RPA3: variants seen among roughly 807,000 people sequenced by gnomAD.
The protein encoded by RPA3 is replication protein A3.
Under a neutral mutation model 13.7 loss-of-function variants are expected in RPA3, and 24 were observed. The observed-to-expected ratio is 1.75, with a 90% CI of 1.27 to 2.46. The LOEUF (loss-of-function observed/expected upper bound fraction) is 2.46. RPA3 is among the 30% of genes most tolerant of loss of function. The probability of loss-of-function intolerance (pLI) is 0.00; values close to 1 mark genes in which losing one functional copy is unlikely to be tolerated. For synonymous variants in RPA3, 59 were observed against 51.2 expected, an observed-to-expected ratio of 1.15 and a Z score of -0.65; for missense variants, 183 against 151.0, an observed-to-expected ratio of 1.21 and a Z score of -1.11.
intron 4 of RPA3, among the ~76,000 whole-genome samples, chr7:7,660,068 C>G (rs1357064496): frequency 2.0e-5 from 3 of 152,116 alleles, no homozygotes; most frequent in Non-Finnish European, 4.4e-5. Context: ...CTCTTTTTGT[C>G]TCTTTTGATC....
chr7:7,710,295 A>G (rs1563143690), intron 2 of RPA3, among the ~76,000 whole-genome samples: 1 of 152,326 alleles, frequency 6.6e-6, no homozygotes, highest in African/African-American at 2.4e-5. Context: ...CTCACACTTT[A>G]TGCAAAAATT....
chr7:7,687,699 C>T (rs770973794), intron 2 of RPA3, among the ~76,000 whole-genome samples: 8 of 152,132 alleles, frequency 5.3e-5, no homozygotes, highest in South Asian at 2.1e-4. Flanking sequence ...TTCCTACAAC[C>T]GGTATTTCCA....
At chr7:7,646,872 G>T (rs995180278) in intron 4 of RPA3, among the ~76,000 whole-genome samples, 2 of 152,090 alleles carry the variant, frequency 1.3e-5, no homozygotes, top group Admixed American at 6.5e-5. Context: ...GTTTATATGG[G>T]CACAGAATAG....
chr7:7,713,242 G>T (rs1169459521), intron 2 of RPA3, among the ~76,000 whole-genome samples: 1 of 152,114 alleles, frequency 6.6e-6, no homozygotes, highest in African/African-American at 2.4e-5. Context: ...TACTCAGGAG[G>T]CTGAGGCAGG....
At chr7:7,665,641 TC>T (rs1279159671) in intron 4 of RPA3, among the ~76,000 whole-genome samples, 1 of 152,178 alleles carries the variant, frequency 6.6e-6, no homozygotes, top group Non-Finnish European at 1.5e-5. Flanking sequence ...ACCCATCACT[TC>T]CAAGAGTTTC....
chr7:7,716,281 G>A (rs1780900789), intron 1 of RPA3, among the ~76,000 whole-genome samples: 1 of 152,178 alleles, frequency 6.6e-6, no homozygotes, highest in African/African-American at 2.4e-5. Flanking sequence ...AAGGAACAAT[G>A]CCAAGAAAAA....
chr7:7,699,200 A>C (rs1780396020), intron 2 of RPA3, among the ~76,000 whole-genome samples: 1 of 152,134 alleles, frequency 6.6e-6, no homozygotes, highest in Admixed American at 6.6e-5. Flanking sequence ...GATTATGGGA[A>C]TGCCAGAACA....
At chr7:7,676,369 G>C (rs1779739348) in intron 4 of RPA3, among the ~76,000 whole-genome samples, 1 of 152,168 alleles carries the variant, frequency 6.6e-6, no homozygotes, top group Non-Finnish European at 1.5e-5. Context: ...CCATACACAG[G>C]CTAGGATTTA....
chr7:7,713,226 C>T (rs1780811259), intron 2 of RPA3, among the ~76,000 whole-genome samples: 1 of 151,872 alleles, frequency 6.6e-6, no homozygotes, highest in African/African-American at 2.4e-5. Flanking sequence ...CACCTGTAGT[C>T]CCAGCTACTC....
chr7:7,652,549 G>C (rs750792309), intron 4 of RPA3, among the ~76,000 whole-genome samples: 1 of 152,228 alleles, frequency 6.6e-6, no homozygotes, highest in Non-Finnish European at 1.5e-5. Context: ...TTTTATACAG[G>C]ACTTAGCACC....
intron 2 of RPA3, among the ~76,000 whole-genome samples, chr7:7,700,577 A>G (rs1421127744): frequency 3.3e-5 from 5 of 150,836 alleles, no homozygotes; most frequent in Non-Finnish European, 5.9e-5. Flanking sequence ...TAAAAACAAC[A>G]AACAAACAAA....
In RPA3 at chr7:7,685,953, T is replaced by C. The variant is rs1302014579; in HGVS notation, c.-881A>G. 1 of 152,216 alleles carries C rather than the reference T, an allele frequency of 6.6e-6. No individual in the cohort carries two copies. Among genetic ancestry groups the C allele is most frequent in the Non-Finnish European group, 1.5e-5 (1 of 68,030 alleles). The allele number at this position is 152,216 out of a possible 1,614,324, so 9.4% of individuals were successfully genotyped here. On this transcript the variant is annotated 5_prime_UTR_variant, in exon 4 of 8. Coordinates refer to ENST00000223129, the MANE Select transcript of RPA3 (RefSeq NM_002947.5). ...AGCACTTTCTCTATCCCAGGTGCTC[T>C]CCTGCTTGGTTAGGGATGCTCCAGA...
rs1372683345 is a variant in RPA3, at chr7:7,677,702, C to T, written c.-758+8128G>A. 5.6e-5 allele frequency among the ~76,000 whole-genome samples: 7 copies of T among 125,282 alleles called. 1 individual carries two copies. The highest frequency in any genetic ancestry group is 2.2e-4 in the African/African-American group (7 of 31,342). 82.2% of individuals were successfully genotyped at this position (125,282 alleles called of 152,430 possible). A position where few individuals can be genotyped will look rare whatever the true frequency, so the allele number is the denominator to read the frequency against. On this transcript the variant is annotated intron_variant, in intron 4 of 7. Transcript: ENST00000223129. ...TTTTTTTTTTTTTTTGAGACGGAGTCTCGCTCTGTCGCCCAGGCTGGAGTG... is the reference window on the plus strand; with the variant it reads ...TTTTTTTTTTTTTTTGAGACGGAGTTTCGCTCTGTCGCCCAGGCTGGAGTG...
intron 4 of RPA3, among the ~76,000 whole-genome samples, chr7:7,685,314 CT>C (rs34968724): frequency 4.9e-4 from 70 of 143,702 alleles, no homozygotes; most frequent in Admixed American, 4.9e-4. Flanking sequence ...ACACATTGAT[CT>C]TTTTTTTTTT....
chr7:7,680,607 T>G (rs1471920388), intron 4 of RPA3, among the ~76,000 whole-genome samples: 1 of 152,158 alleles, frequency 6.6e-6, no homozygotes, highest in Non-Finnish European at 1.5e-5. Flanking sequence ...GTGATTGCAT[T>G]GAATCTGTAG....
Position 7,657,052 on chromosome 7 carries a change from T to C in RPA3, c.-757-15877A>G, listed in dbSNP as rs1396614990. 2.6e-5 allele frequency among the ~76,000 whole-genome samples: 4 copies of C among 152,216 alleles called. No individual in the cohort carries two copies. The South Asian group carries it at 6.2e-4, about 24-fold the overall frequency. ...ATCTCATTGTGGTTTTGATTTGCAT[T>C]TCTCTAATGACCAGTGATGATGAGC... On this transcript the variant is annotated intron_variant, in intron 4 of 7. Transcript: ENST00000223129.
chr7:7,661,876 G>A (rs1785483102), intron 4 of RPA3, among the ~76,000 whole-genome samples: 1 of 152,152 alleles, frequency 6.6e-6, no homozygotes, highest in African/African-American at 2.4e-5. Context: ...TGGCAGGCAG[G>A]GACGTTTAAT....
chr7:7,705,659 G>T (rs1210275398), intron 2 of RPA3, among the ~76,000 whole-genome samples: 2 of 152,138 alleles, frequency 1.3e-5, no homozygotes. Flanking sequence ...ACAGAGAACT[G>T]AATGTTTTTA....
chr7:7,671,721 CT>C (rs1779609147), intron 4 of RPA3, among the ~76,000 whole-genome samples: 1 of 151,798 alleles, frequency 6.6e-6, no homozygotes, highest in African/African-American at 2.4e-5. Context: ...TTTTCTTTTG[CT>C]TTTTCATCTA....
Sources: allele counts gnomAD v4.1 joint callset (sites outside exome capture counted in the v4.1 genomes callset), GRCh38; gene constraint gnomAD v4.1.1; transcripts MANE v1.5; gene names NCBI Gene and HGNC (gene_info 2026-07-23, HGNC 2026-07-21).